CNTNAP2: variants seen among roughly 807,000 people sequenced by gnomAD.
The protein encoded by CNTNAP2 is contactin-associated protein-like 2.
Under a neutral mutation model 155.2 loss-of-function variants are expected in CNTNAP2, and 98 were observed. The ratio of observed to expected loss-of-function variants is 0.63; its 90% confidence interval spans 0.54 to 0.75. The LOEUF is 0.75. Ranked by LOEUF, CNTNAP2 falls within the 30% of genes least tolerant of loss-of-function variation. The pLI is 0.00. For synonymous variants in CNTNAP2, 651 were observed against 631.2 expected (o/e 1.03, Z -0.47); for missense variants, 1,727 against 1,688.1 (o/e 1.02, Z -0.40).
intron 13 of CNTNAP2, among the ~76,000 whole-genome samples, chr7:147,711,069 C>T (rs986221721): frequency 1.1e-4 from 17 of 152,094 alleles, no homozygotes; most frequent in African/African-American, 3.6e-4. Context: ...AAGAGATTTC[C>T]GGAAGTCTCA....
intron 1 of CNTNAP2, among the ~76,000 whole-genome samples, chr7:146,276,736 A>C (rs1443296708): frequency 6.6e-6 from 1 of 152,168 alleles, no homozygotes. Flanking sequence ...GAATGGACTG[A>C]GGTGAAAGAG....
chr7:147,534,586 T>C (rs1417872227), intron 11 of CNTNAP2, among the ~76,000 whole-genome samples: 35 of 152,166 alleles, frequency 2.3e-4, no homozygotes, highest in Admixed American at 2.3e-3. Flanking sequence ...TTACTAAAAC[T>C]TGAGTCTTTT....
chr7:146,434,654 A>G (rs549707827), intron 1 of CNTNAP2, among the ~76,000 whole-genome samples: 13 of 152,204 alleles, frequency 8.5e-5, no homozygotes, highest in Non-Finnish European at 1.8e-4. Context: ...CAAAAATAGA[A>G]GATGATATTG....
chr7:146,468,752 CT>C (rs1425378842), intron 1 of CNTNAP2, among the ~76,000 whole-genome samples: 1 of 152,130 alleles, frequency 6.6e-6, no homozygotes, highest in Non-Finnish European at 1.5e-5. Context: ...TCACCTGTTG[CT>C]TCTACCTTCC....
chr7:147,677,060 T>A (rs1007882321), intron 13 of CNTNAP2, among the ~76,000 whole-genome samples: 1 of 86,040 alleles, frequency 1.2e-5, no homozygotes, highest in African/African-American at 5.6e-5. Context: ...TTAGGAGTTC[T>A]GTTTCATTAA....
intron 21 of CNTNAP2, among the ~76,000 whole-genome samples, chr7:148,350,701 C>G (rs1485659295): frequency 6.6e-6 from 1 of 152,168 alleles, no homozygotes; most frequent in African/African-American, 2.4e-5. Flanking sequence ...TTCTTGTAAG[C>G]GTTCTTGTTG....
intron 1 of CNTNAP2, among the ~76,000 whole-genome samples, chr7:146,131,431 A>G (rs1390151846): frequency 6.6e-6 from 1 of 152,200 alleles, no homozygotes; most frequent in Non-Finnish European, 1.5e-5. Context: ...AGTTTTTATT[A>G]GAGAGGTATG....
At chr7:147,622,338 C>T (rs759469535) in intron 12 of CNTNAP2, among the ~76,000 whole-genome samples, 1 of 152,158 alleles carries the variant, frequency 6.6e-6, no homozygotes, top group Non-Finnish European at 1.5e-5. Context: ...ATCACACATT[C>T]TTTCCCTCAG....
At chr7:147,625,148 A>G (rs10269290) in intron 12 of CNTNAP2, among the ~76,000 whole-genome samples, 3 of 152,066 alleles carry the variant, frequency 2.0e-5, no homozygotes, top group African/African-American at 7.3e-5. Flanking sequence ...GGGATGGTTA[A>G]TAAGTACAAA....
At chr7:146,537,550 C>T (rs939336286) in intron 1 of CNTNAP2, among the ~76,000 whole-genome samples, 3 of 152,030 alleles carry the variant, frequency 2.0e-5, no homozygotes, top group Non-Finnish European at 1.5e-5. Flanking sequence ...AGATGGTGAA[C>T]GCCAAGGAGA....
At chr7:146,734,871 C>A (rs371259377) in intron 1 of CNTNAP2, among the ~76,000 whole-genome samples, 4 of 152,000 alleles carry the variant, frequency 2.6e-5, no homozygotes, top group African/African-American at 9.7e-5. Flanking sequence ...TTCCAAAATC[C>A]TTAATTTTGA....
chr7:148,261,929 G>A (rs900169076), intron 20 of CNTNAP2, among the ~76,000 whole-genome samples: 10 of 152,184 alleles, frequency 6.6e-5, no homozygotes, highest in East Asian at 1.9e-4. Flanking sequence ...TCCAGAGCAC[G>A]CTACTGAGAA....
chr7:147,515,638 C>A (rs1562975405), intron 11 of CNTNAP2, among the ~76,000 whole-genome samples: 2 of 152,090 alleles, frequency 1.3e-5, no homozygotes, highest in Non-Finnish European at 2.9e-5. Flanking sequence ...TTCTAATATA[C>A]TGCATCTTTT....
chr7:147,177,407 GCC>G (rs1040985516), intron 8 of CNTNAP2, among the ~76,000 whole-genome samples: 17 of 152,152 alleles, frequency 1.1e-4, no homozygotes, highest in Admixed American at 5.2e-4. Context: ...CTCTCTTGCT[GCC>G]CTGTGAAGAG....
At chr7:147,095,498 T>G (rs1800511573) in intron 4 of CNTNAP2, among the ~76,000 whole-genome samples, 1 of 151,578 alleles carries the variant, frequency 6.6e-6, no homozygotes, top group Non-Finnish European at 1.5e-5. Flanking sequence ...TAGCAGTTAA[T>G]AAAATATTTG....
intron 1 of CNTNAP2, among the ~76,000 whole-genome samples, chr7:146,619,740 A>G (rs1450047897): frequency 6.6e-6 from 1 of 152,190 alleles, no homozygotes; most frequent in African/African-American, 2.4e-5. Context: ...TATGTCCTCA[A>G]AAGTTTTCTT....
At chr7:146,917,770 C>A (rs1470235403) in intron 3 of CNTNAP2, among the ~76,000 whole-genome samples, 1 of 152,122 alleles carries the variant, frequency 6.6e-6, no homozygotes, top group East Asian at 1.9e-4. Flanking sequence ...TGTACAATTT[C>A]TCTCTTTGCC....
intron 1 of CNTNAP2, among the ~76,000 whole-genome samples, chr7:146,170,072 G>A (rs1798367985): frequency 6.7e-6 from 1 of 149,630 alleles, no homozygotes. Flanking sequence ...GCAGGCTGAG[G>A]CTGGAGTGCA....
At chr7:146,595,192 A>G (rs557423453) in intron 1 of CNTNAP2, among the ~76,000 whole-genome samples, 152 of 152,178 alleles carry the variant, frequency 1.0e-3, no homozygotes, top group African/African-American at 3.6e-3. Context: ...CTTGGCATAA[A>G]AATTTCATAA....
Sources: gnomAD v4.1 joint callset for allele counts (sites outside exome capture counted in the v4.1 genomes callset) on GRCh38, gnomAD v4.1.1 for gene constraint, MANE v1.5 for transcripts, NCBI Gene and HGNC (gene_info 2026-07-23, HGNC 2026-07-21) for gene names.